TRAPPC8: variants seen among roughly 807,000 people sequenced by gnomAD.
TRAPPC8 encodes trafficking protein particle complex subunit 8.
Under a neutral mutation model 174.3 loss-of-function variants are expected in TRAPPC8, and 54 were observed. That is an observed-to-expected ratio of 0.31 (90% CI 0.25 to 0.39). The LOEUF (loss-of-function observed/expected upper bound fraction) is 0.39. Among genes scored for constraint, TRAPPC8 ranks in the 10% least tolerant of loss-of-function variants. The pLI is 1.00. For synonymous variants in TRAPPC8, 630 were observed against 579.9 expected, an observed-to-expected ratio of 1.09 and a Z score of -1.24; for missense variants, 1,531 against 1,699.1, an observed-to-expected ratio of 0.90 and a Z score of 1.74.
chr18:31,899,144 TTATA>T (rs1394869013), intron 10 of TRAPPC8, among the ~76,000 whole-genome samples: 1 of 152,198 alleles, frequency 6.6e-6, no homozygotes, highest in Non-Finnish European at 1.5e-5. Context: ...TAGCAACTAC[TTATA>T]TAATAGGTTC....
At chr18:31,870,900 CAG>C (rs1275175745) in intron 15 of TRAPPC8, 24 bp downstream of exon 15, 3 of 1,468,354 alleles carry the variant, frequency 2.0e-6, no homozygotes, top group South Asian at 1.5e-5. Flanking sequence ...AAATAAAAAA[CAG>C]AAATAAAAAT....
intron 3 of TRAPPC8, among the ~76,000 whole-genome samples, chr18:31,916,961 T>C (rs1016614869): frequency 6.6e-6 from 1 of 152,146 alleles, no homozygotes; most frequent in African/African-American, 2.4e-5. Context: ...TTTTTTTTGT[T>C]GACAGTTTTT....
intron 17 of TRAPPC8, 77 bp from the exon 18 acceptor site, chr18:31,867,052 GC>G: frequency 6.8e-7 from 1 of 1,464,698 alleles, no homozygotes; most frequent in Middle Eastern, 1.8e-4. Context: ...CTATAATGTT[GC>G]AAAAACATAA....
chr18:31,942,710 A>G lies in TRAPPC8; in HGVS notation c.55T>C (p.Cys19Arg), dbSNP rs1471119827. 1 of 1,606,716 alleles carries G rather than the reference A, an allele frequency of 6.2e-7. No individual in the cohort carries two copies. Among genetic ancestry groups the G allele is most frequent in the South Asian group, 1.1e-5 (1 of 90,038 alleles). The part of the protein sequence containing the change: ...QELIPDSFVP[C>R]VAALCSDEAE... ...TCGTCGCTGCACAGCGCAGCGACAC[A>G]GGGGACGAAGGAGTCCGGGATTAGC... The change falls in exon 1 of 29, where the codon TGT becomes CGT. Residue 19 changes from cysteine to arginine, a missense_variant. Physicochemically the swap from Cys to Arg is radical, Grantham distance 180. Transcript: ENST00000283351.
At chr18:31,840,679 G>A (rs908750589) in intron 26 of TRAPPC8, among the ~76,000 whole-genome samples, 10 of 152,260 alleles carry the variant, frequency 6.6e-5, no homozygotes, top group Admixed American at 5.2e-4. Flanking sequence ...GCTGCTTTTT[G>A]ACTTCAATGA....
chr18:31,854,901 G>A (rs2033913541), intron 21 of TRAPPC8, among the ~76,000 whole-genome samples: 1 of 139,938 alleles, frequency 7.1e-6, no homozygotes, highest in South Asian at 2.2e-4. Context: ...GGGAGGTGGA[G>A]CTTGCAGTGA....
Position 31,852,455 on chromosome 18 carries a change from T to C in TRAPPC8, c.3552A>G (p.Gly1184=). 3.7e-6 allele frequency: 6 copies of C among 1,614,132 alleles called. 1 individual carries two copies. The South Asian group carries it at 4.4e-5, about 12-fold the overall frequency. ...ATGCTTACTTGCATACCTGTTCATT[T>C]CCAAAGATGATATCTGCAAAGGTAT... ...EKYTFADIIF[G]NEQIISSASP... The change falls in exon 24 of 29, where the codon GGA becomes GGG. Residue 1184 remains glycine, a synonymous_variant. Transcript: ENST00000283351.
chr18:31,886,798 T>C (rs893203734), intron 12 of TRAPPC8, among the ~76,000 whole-genome samples: 1 of 152,276 alleles, frequency 6.6e-6, no homozygotes, highest in South Asian at 2.1e-4. Context: ...TTGGCCAACA[T>C]GGTGAAACCA....
intron 2 of TRAPPC8, among the ~76,000 whole-genome samples, chr18:31,928,078 C>T (rs2037694225): frequency 1.4e-5 from 2 of 139,518 alleles, no homozygotes; most frequent in African/African-American, 5.1e-5. Flanking sequence ...ATCGTGTGAA[C>T]CCAGGGGGAA....
chr18:31,866,773 A>G, intron 18 of TRAPPC8, 76 bp downstream of exon 18: 1 of 1,517,876 alleles, frequency 6.6e-7, no homozygotes, highest in South Asian at 1.3e-5. Context: ...TAGAAAATAC[A>G]TCATTTTTGT....
At chr18:31,861,937 G>GA (rs56869439) in intron 19 of TRAPPC8, among the ~76,000 whole-genome samples, 11,930 of 33,190 alleles carry the variant, frequency 0.36, 1,028 homozygotes, top group South Asian at 0.46. Context: ...AAAAAAAAAA[G>GA]GGGGGGGGGG....
intron 27 of TRAPPC8, among the ~76,000 whole-genome samples, chr18:31,833,873 G>A (rs1455044597): frequency 1.3e-5 from 2 of 151,726 alleles, no homozygotes; most frequent in African/African-American, 2.4e-5. Flanking sequence ...GTGGTGGCAG[G>A]TGCCTATAGT....
intron 9 of TRAPPC8, among the ~76,000 whole-genome samples, chr18:31,906,212 A>G (rs2145466256): frequency 6.6e-6 from 1 of 150,906 alleles, no homozygotes; most frequent in South Asian, 2.1e-4. Flanking sequence ...ATGGTCGGGC[A>G]TGCCTGTAAT....
intron 10 of TRAPPC8, among the ~76,000 whole-genome samples, chr18:31,900,103 G>A (rs766360187): frequency 3.1e-4 from 47 of 151,852 alleles, no homozygotes; most frequent in Admixed American, 1.1e-3. Flanking sequence ...GCATGGTGGC[G>A]CGCACCTGTA....
chr18:31,929,723 A>C (rs886858907), intron 2 of TRAPPC8, among the ~76,000 whole-genome samples: 1 of 152,190 alleles, frequency 6.6e-6, no homozygotes, highest in Non-Finnish European at 1.5e-5. Flanking sequence ...CAGGTTATCT[A>C]ATTAACTAAT....
Position 31,909,675 on chromosome 18 carries a change from T to G in TRAPPC8, c.857A>C (p.Glu286Ala), listed in dbSNP as rs761631885. The change falls in exon 6 of 29, where the codon GAA becomes GCA. Residue 286 changes from glutamate to alanine, a missense_variant. By Grantham distance (107) the Glu-to-Ala change is moderately radical. Transcript: ENST00000283351. ...AGAAAATATATCAAGACCTTTGACTTCGTTATCTAATCCATCCAATGAAAG... is the reference window on the plus strand; with the variant it reads ...AGAAAATATATCAAGACCTTTGACTGCGTTATCTAATCCATCCAATGAAAG... ...NLLSLDGLDN[E>A]VKDGLPNNFR... The G allele has an allele frequency of 1.9e-6, 3 of 1,598,500 alleles. No individual in the cohort carries two copies. Among genetic ancestry groups the G allele is most frequent in the East Asian group, 2.2e-5 (1 of 44,466 alleles).
chr18:31,901,115 G>GTTTT, intron 9 of TRAPPC8, 90 bp from the exon 10 acceptor site: 2 of 968,096 alleles, frequency 2.1e-6, no homozygotes, highest in Non-Finnish European at 2.9e-6. Context: ...GAAATTTGCT[G>GTTTT]TTTTTTTTTT....
chr18:31,905,673 C>T (rs963647039), intron 9 of TRAPPC8, among the ~76,000 whole-genome samples: 2 of 152,154 alleles, frequency 1.3e-5, no homozygotes, highest in African/African-American at 2.4e-5. Context: ...TTCAAGAAGA[C>T]TAACCCAGTC....
chr18:31,905,280 A>T (rs2036610453), intron 9 of TRAPPC8, among the ~76,000 whole-genome samples: 1 of 152,220 alleles, frequency 6.6e-6, no homozygotes, highest in South Asian at 2.1e-4. Context: ...AATCAAAAAT[A>T]GCAGTATTAT....
Sources: allele counts gnomAD v4.1 joint callset (sites outside exome capture counted in the v4.1 genomes callset), GRCh38; gene constraint gnomAD v4.1.1; transcripts MANE v1.5; gene names NCBI Gene and HGNC (gene_info 2026-07-23, HGNC 2026-07-21).